Variants in NRXN1 observed in about 807,000 individuals in gnomAD.
NRXN1 encodes the protein neurexin-1.
In NRXN1, 39 loss-of-function variants were observed where a neutral mutation model predicts 150.9. The ratio of observed to expected loss-of-function variants is 0.26; its 90% confidence interval spans 0.20 to 0.34. The LOEUF is 0.34. NRXN1 is among the 10% of genes least tolerant of loss of function. The pLI, the probability that NRXN1 is intolerant of heterozygous loss-of-function variation, is 1.00. For missense variants in NRXN1, 1,815 were observed against 1,949.9 expected (o/e 0.93, Z 1.30); for synonymous variants, 924 against 757.0 (o/e 1.22, Z -3.62).
intron 17 of NRXN1, among the ~76,000 whole-genome samples, chr2:50,288,362 C>T (rs1262200563): frequency 1.3e-5 from 2 of 152,000 alleles, no homozygotes; most frequent in Non-Finnish European, 2.9e-5. Context: ...ACAAGACAGC[C>T]TACACAGCAA....
intron 22 of NRXN1, among the ~76,000 whole-genome samples, chr2:49,928,040 A>G (rs1012755558): frequency 7.9e-5 from 12 of 152,060 alleles, no homozygotes; most frequent in African/African-American, 2.9e-4. Context: ...CCTGATGACA[A>G]TGGAAATTCA....
At chr2:50,014,752 G>A (rs1686287747) in intron 21 of NRXN1, among the ~76,000 whole-genome samples, 1 of 151,972 alleles carries the variant, frequency 6.6e-6, no homozygotes, top group Non-Finnish European at 1.5e-5. Context: ...GAACTCCAGC[G>A]ACTTAATTCT....
intron 5 of NRXN1, among the ~76,000 whole-genome samples, chr2:50,805,881 C>G (rs1344643981): frequency 2.6e-5 from 4 of 152,082 alleles, no homozygotes; most frequent in African/African-American, 9.7e-5. Context: ...TACTCTCTTC[C>G]TTAGTCTCCA....
chr2:50,321,563 G>A (rs940912229), intron 17 of NRXN1, among the ~76,000 whole-genome samples: 1 of 152,048 alleles, frequency 6.6e-6, no homozygotes, highest in Non-Finnish European at 1.5e-5. Flanking sequence ...GTTACAAAAT[G>A]AACATTTTTT....
chr2:50,205,855 A>G (rs2152838404), intron 18 of NRXN1, among the ~76,000 whole-genome samples: 1 of 152,190 alleles, frequency 6.6e-6, no homozygotes, highest in East Asian at 1.9e-4. Context: ...CTAGTCACAA[A>G]AGATCACGTA....
intron 19 of NRXN1, among the ~76,000 whole-genome samples, chr2:50,083,979 T>C (rs1030117202): frequency 3.9e-5 from 6 of 152,056 alleles, no homozygotes; most frequent in Admixed American, 2.6e-4. Context: ...AGAGTGCCGA[T>C]TGGTGTATTC....
Position 51,028,586 on chromosome 2 carries a change from C to G in NRXN1, c.-313G>C, listed in dbSNP as rs2105337474. On this transcript the variant is annotated 5_prime_UTR_variant, in exon 2 of 23. Coordinates refer to ENST00000401669, the MANE Select transcript of NRXN1 (RefSeq NM_001330078.2). ...TCTGGAAAAGGCTTCAACAAAAGATCAAGGGAAAGCACTGACCCATTTGAG... is the reference window on the plus strand; with the variant it reads ...TCTGGAAAAGGCTTCAACAAAAGATGAAGGGAAAGCACTGACCCATTTGAG... 2 of 313,078 alleles carry G rather than the reference C, an allele frequency of 6.4e-6. No homozygotes were observed. Among genetic ancestry groups the G allele is most frequent in the East Asian group, 5.1e-5 (1 of 19,660 alleles). 19.4% of individuals were successfully genotyped at this position (313,078 alleles called of 1,614,324 possible). A position where few individuals can be genotyped will look rare whatever the true frequency, so the allele number is the denominator to read the frequency against.
rs541735386 is a variant in NRXN1, at chr2:50,165,810, T to C, written c.3546+70979A>G. Among the ~76,000 whole-genome samples, 3 of 152,336 alleles carry C rather than the reference T, an allele frequency of 2.0e-5. No homozygotes were observed. In the East Asian group the frequency reaches 5.8e-4, roughly 29 times the overall value. On this transcript the variant is annotated intron_variant, in intron 18 of 22. Transcript: ENST00000401669. ...TACACTATGCAAACAATGATATTAT[T>C]ACTTAACCTATATATTACATTCAAC...
intron 2 of NRXN1, among the ~76,000 whole-genome samples, chr2:50,994,051 A>C (rs563449383): frequency 5.0e-4 from 76 of 152,098 alleles, no homozygotes; most frequent in African/African-American, 1.7e-3. Context: ...TCTCTGTGCC[A>C]GACATGGTTC....
intron 18 of NRXN1, among the ~76,000 whole-genome samples, chr2:50,236,466 T>C (rs1406972685): frequency 6.6e-6 from 1 of 151,532 alleles, no homozygotes; most frequent in Non-Finnish European, 1.5e-5. Flanking sequence ...TGGTATCTAC[T>C]AGGCAATAAC....
chr2:50,986,180 C>G (rs550315495), intron 2 of NRXN1, among the ~76,000 whole-genome samples: 1 of 151,480 alleles, frequency 6.6e-6, no homozygotes, highest in Non-Finnish European at 1.5e-5. Context: ...CTGGGGCAAG[C>G]AAAACATAGT....
intron 18 of NRXN1, among the ~76,000 whole-genome samples, chr2:50,162,427 G>C (rs750945396): frequency 5.3e-5 from 8 of 152,002 alleles, no homozygotes; most frequent in East Asian, 1.9e-4. Context: ...CAGAGTAATT[G>C]CTTCTATTTC....
At chr2:49,975,376 C>T (rs959242379) in intron 21 of NRXN1, among the ~76,000 whole-genome samples, 1 of 151,912 alleles carries the variant, frequency 6.6e-6, no homozygotes, top group Admixed American at 6.6e-5. Flanking sequence ...TCTGGCAACA[C>T]TATTTAGAAA....
chr2:50,126,558 TTC>T (rs983882844), intron 18 of NRXN1, among the ~76,000 whole-genome samples: 4 of 152,162 alleles, frequency 2.6e-5, no homozygotes, highest in African/African-American at 9.6e-5. Context: ...GTGAATAATT[TTC>T]TGTCTTTGGA....
intron 5 of NRXN1, among the ~76,000 whole-genome samples, chr2:50,771,841 C>A (rs1485697422): frequency 1.3e-5 from 2 of 152,042 alleles, no homozygotes; most frequent in Non-Finnish European, 2.9e-5. Flanking sequence ...TATGTCCTAA[C>A]CACTAGAGAT....
At chr2:50,867,454 T>C (rs149075105) in intron 5 of NRXN1, among the ~76,000 whole-genome samples, 2,189 of 152,018 alleles carry the variant, frequency 0.014, 55 homozygotes, top group African/African-American at 0.051. Context: ...GGACCTTTAA[T>C]GGATTAAAAA....
chr2:50,442,723 C>T (rs6709865), intron 17 of NRXN1, among the ~76,000 whole-genome samples: 38,180 of 151,748 alleles, frequency 0.25, 5,093 homozygotes, highest in East Asian at 0.36. Flanking sequence ...ATTAGTTGGA[C>T]GAGGGATATT....
In NRXN1 at chr2:50,347,139, C is replaced by G. The variant is rs1020309050; in HGVS notation, c.3365-110169G>C. 7.2e-7 allele frequency: 1 copy of G among 1,382,064 alleles called. No homozygotes were observed. The highest frequency in any genetic ancestry group is 1.2e-5 in the South Asian group (1 of 81,816). 85.6% of individuals were successfully genotyped at this position (1,382,064 alleles called of 1,614,324 possible). ...TCCTGGAGTCCGCCGTGCCTAGCAC[C>G]CCAAACAATCCGAAACATAGCCGAG... On this transcript the variant is annotated intron_variant, in intron 17 of 22. Coordinates refer to ENST00000401669, the MANE Select transcript of NRXN1 (RefSeq NM_001330078.2). This position sits in a 1 kb window ranked among gnomAD's most constrained non-coding sequence, Gnocchi z 4.9.
At chr2:50,530,095 T>C (rs951880945) in intron 11 of NRXN1, among the ~76,000 whole-genome samples, 1 of 152,182 alleles carries the variant, frequency 6.6e-6, no homozygotes, top group African/African-American at 2.4e-5. Flanking sequence ...CTCTGTTTAT[T>C]CATTTCTATA....
Sources: allele counts gnomAD v4.1 joint callset (sites outside exome capture counted in the v4.1 genomes callset), GRCh38; gene constraint gnomAD v4.1.1; non-coding constraint Gnocchi (gnomAD v3.1); transcripts MANE v1.5; gene names NCBI Gene and HGNC (gene_info 2026-07-23, HGNC 2026-07-21).